The following GPC5 variants were observed in gnomAD, a reference collection of about 807,000 sequenced individuals.
GPC5 encodes the protein glypican-5.
A neutral mutation model predicts 53.9 loss-of-function variants in GPC5; 47 were observed. The ratio of observed to expected loss-of-function variants is 0.87; its 90% CI spans 0.69 to 1.11. The LOEUF (loss-of-function observed/expected upper bound fraction) is 1.11. GPC5 is among the 50% of genes most tolerant of loss of function. The pLI is 0.00. For missense variants in GPC5, 748 were observed against 713.1 expected, an observed-to-expected ratio of 1.05 and a Z score of -0.56; for synonymous variants, 286 against 263.3, an observed-to-expected ratio of 1.09 and a Z score of -0.84.
chr13:91,990,391 CA>C (rs1373340298), intron 6 of GPC5, among the ~76,000 whole-genome samples: 1 of 151,834 alleles, frequency 6.6e-6, no homozygotes, highest in African/African-American at 2.4e-5. Flanking sequence ...CTCGTTGGTA[CA>C]GGGGTGGCTG....
chr13:92,813,007 T>C (rs1034702863), intron 7 of GPC5, among the ~76,000 whole-genome samples: 7 of 151,986 alleles, frequency 4.6e-5, no homozygotes, highest in African/African-American at 1.7e-4. Context: ...TGAAGTGTAT[T>C]TTTTATCATA....
At position 91,978,045 on chromosome 13, in the gene GPC5, G is replaced by A. The variant is rs1368637799; in HGVS notation, c.1401+69988G>A. Among the ~76,000 whole-genome samples the A allele has an allele frequency of 2.0e-5, 3 of 152,228 alleles. No individual in the cohort carries two copies. The East Asian group carries it at 5.8e-4, about 29-fold the overall frequency. Reference sequence around the variant, plus strand: ...GTGTACACTTGTAGTCCCAGCTACAGAGAAGGCTGAGGTGAGAGGATATAG... The same window carrying A: ...GTGTACACTTGTAGTCCCAGCTACAAAGAAGGCTGAGGTGAGAGGATATAG... On this transcript the variant is annotated intron_variant, in intron 6 of 7. Coordinates refer to ENST00000377067, the MANE Select transcript of GPC5 (RefSeq NM_004466.6).
intron 6 of GPC5, among the ~76,000 whole-genome samples, chr13:91,910,006 G>A (rs1400242682): frequency 6.6e-6 from 1 of 152,136 alleles, no homozygotes; most frequent in Non-Finnish European, 1.5e-5. Context: ...TCATTCTGGG[G>A]TTGCAAGAGA....
At chr13:92,840,801 G>A (rs1372648585) in intron 7 of GPC5, among the ~76,000 whole-genome samples, 3 of 152,008 alleles carry the variant, frequency 2.0e-5, no homozygotes, top group Non-Finnish European at 1.5e-5. Flanking sequence ...GTAGTTTTCA[G>A]TGTACAAGTC....
At chr13:91,574,861 A>G (rs2032075127) in intron 2 of GPC5, among the ~76,000 whole-genome samples, 3 of 152,156 alleles carry the variant, frequency 2.0e-5, no homozygotes, top group Admixed American at 2.0e-4. Context: ...ATGATTAGTT[A>G]CAACACTGGT....
At chr13:92,039,460 C>T (rs543091090) in intron 6 of GPC5, among the ~76,000 whole-genome samples, 1 of 152,224 alleles carries the variant, frequency 6.6e-6, no homozygotes, top group Admixed American at 6.5e-5. Flanking sequence ...TTAGAAACTC[C>T]AACACTCATT....
At chr13:92,866,203 TTTGAGTTTAAGAG>T in intron 7 of GPC5, 66 bp from the exon 8 acceptor site, 9 of 1,288,800 alleles carry the variant, frequency 7.0e-6, no homozygotes, top group Non-Finnish European at 8.4e-6. Flanking sequence ...CTGTCCACAC[TTTGAGTTTAAGAG>T]TTGTTCTAGA....
intron 6 of GPC5, among the ~76,000 whole-genome samples, chr13:92,130,738 T>C (rs2041736760): frequency 6.6e-6 from 1 of 151,816 alleles, no homozygotes; most frequent in Non-Finnish European, 1.5e-5. Context: ...CAACAAAGAG[T>C]GGGAGTAGCC....
At chr13:91,645,682 G>T (rs182494371) in intron 2 of GPC5, among the ~76,000 whole-genome samples, 64 of 152,320 alleles carry the variant, frequency 4.2e-4, no homozygotes, top group African/African-American at 1.3e-3. Flanking sequence ...CATGAAAACT[G>T]AAGTCTAGTC....
chr13:92,351,368 T>G (rs1310447841), intron 7 of GPC5, among the ~76,000 whole-genome samples: 2 of 151,764 alleles, frequency 1.3e-5, no homozygotes, highest in Non-Finnish European at 2.9e-5. Context: ...GATTTCTACT[T>G]AATGCATATT....
chr13:91,653,226 A>G (rs888721604), intron 2 of GPC5, among the ~76,000 whole-genome samples: 2 of 152,022 alleles, frequency 1.3e-5, no homozygotes, highest in Non-Finnish European at 1.5e-5. Context: ...AACACCCCCA[A>G]CTTTGTTGGT....
intron 7 of GPC5, among the ~76,000 whole-genome samples, chr13:92,698,568 T>G (rs1292991084): frequency 6.6e-6 from 1 of 152,126 alleles, no homozygotes; most frequent in East Asian, 1.9e-4. Flanking sequence ...GTCTATCATT[T>G]TGAACATTCG....
chr13:92,065,786 G>A (rs956975531), intron 6 of GPC5, among the ~76,000 whole-genome samples: 20 of 151,986 alleles, frequency 1.3e-4, no homozygotes, highest in African/African-American at 3.9e-4. Context: ...TTTTGTTTGT[G>A]ATATTTAAAT....
In GPC5 at chr13:91,399,544, G is replaced by T. The variant is rs147059861; in HGVS notation, c.163+335G>T. Among the ~76,000 whole-genome samples the T allele has an allele frequency of 5.2e-3, 795 of 152,330 alleles. 9 individuals carry two copies. Among genetic ancestry groups the T allele is most frequent in the African/African-American group, 0.018 (754 of 41,568 alleles). On this transcript the variant is annotated intron_variant, in intron 1 of 7. Transcript: ENST00000377067. Reference sequence around the variant, plus strand: ...CGCAGTCTAACTCCGTTTCTCTTCCGAGTAGGAATTTCCCCAGTGCCCCAC... The same window carrying T: ...CGCAGTCTAACTCCGTTTCTCTTCCTAGTAGGAATTTCCCCAGTGCCCCAC...
chr13:92,187,234 G>A (rs2042190824), intron 7 of GPC5, among the ~76,000 whole-genome samples: 1 of 152,150 alleles, frequency 6.6e-6, no homozygotes, highest in African/African-American at 2.4e-5. Context: ...CTTTAAGAAT[G>A]GATTGCAGTA....
At chr13:91,410,523 T>G (rs1046074852) in intron 1 of GPC5, among the ~76,000 whole-genome samples, 14 of 151,232 alleles carry the variant, frequency 9.3e-5, no homozygotes, top group Non-Finnish European at 1.9e-4. Flanking sequence ...TTTTTTTGTA[T>G]TTTTAGTAGA....
chr13:92,348,321 A>C (rs2043445165), intron 7 of GPC5, among the ~76,000 whole-genome samples: 1 of 151,938 alleles, frequency 6.6e-6, no homozygotes, highest in South Asian at 2.1e-4. Flanking sequence ...CAAAAACTGA[A>C]ATAGGAGACG....
At chr13:91,487,912 A>C (rs368936632) in intron 2 of GPC5, among the ~76,000 whole-genome samples, 1 of 136,792 alleles carries the variant, frequency 7.3e-6, no homozygotes, top group Non-Finnish European at 1.5e-5. Flanking sequence ...ACATTTGAAC[A>C]CTGGACATTT....
intron 7 of GPC5, among the ~76,000 whole-genome samples, chr13:92,629,435 C>A (rs1185457375): frequency 1.3e-5 from 2 of 152,018 alleles, no homozygotes; most frequent in African/African-American, 4.8e-5. Context: ...TTCATTTGTT[C>A]CTAGCTGTTG....
Sources: allele counts gnomAD v4.1 joint callset (sites outside exome capture counted in the v4.1 genomes callset), GRCh38; gene constraint gnomAD v4.1.1; transcripts MANE v1.5; gene names NCBI Gene and HGNC (gene_info 2026-07-23, HGNC 2026-07-21).